The following CLMN variants were observed in gnomAD, a reference collection of about 807,000 sequenced individuals.
The protein encoded by CLMN is calmin.
A neutral mutation model predicts 92.7 loss-of-function variants in CLMN; 57 were observed. The observed-to-expected ratio is 0.61, with a 90% CI of 0.50 to 0.77. The LOEUF is 0.77. Ranked by LOEUF, CLMN falls within the 30% of genes least tolerant of loss-of-function variation. CLMN has a pLI of 0.00. For synonymous variants in CLMN, 466 were observed against 470.6 expected (o/e 0.99, Z 0.13); for missense variants, 1,158 against 1,237.5 (o/e 0.94, Z 0.96).
chr14:95,207,941 T>C (rs1425309421), intron 8 of CLMN, among the ~76,000 whole-genome samples: 1 of 152,212 alleles, frequency 6.6e-6, no homozygotes, highest in Admixed American at 6.5e-5. Context: ...ACCCCAGCTC[T>C]GTGCTTCATA....
At chr14:95,315,353 C>T (rs970721677) in intron 1 of CLMN, among the ~76,000 whole-genome samples, 21 of 152,216 alleles carry the variant, frequency 1.4e-4, no homozygotes, top group African/African-American at 5.1e-4. Flanking sequence ...CAGGCCCCCA[C>T]TCTGCTGCCC....
At chr14:95,208,560 G>A (rs184089819) in intron 8 of CLMN, among the ~76,000 whole-genome samples, 166 of 152,316 alleles carry the variant, frequency 1.1e-3, no homozygotes, top group African/African-American at 3.5e-3. Context: ...AAATCAAGAA[G>A]CAGATCCGTT....
intron 7 of CLMN, among the ~76,000 whole-genome samples, chr14:95,209,788 G>A (rs1360055632): frequency 1.3e-5 from 2 of 152,220 alleles, no homozygotes. Context: ...GGCAAGGACG[G>A]TGAACCAGGC....
intron 1 of CLMN, among the ~76,000 whole-genome samples, chr14:95,264,214 A>C (rs888697870): frequency 5.3e-5 from 8 of 151,806 alleles, no homozygotes; most frequent in Non-Finnish European, 2.9e-5. Flanking sequence ...TAATTTTTGT[A>C]ATTTTTGTAC....
intron 1 of CLMN, among the ~76,000 whole-genome samples, chr14:95,246,997 A>C (rs979728670): frequency 3.3e-5 from 5 of 152,168 alleles, no homozygotes; most frequent in African/African-American, 9.7e-5. Context: ...GGACTCCCAG[A>C]GTTGCTGTTC....
At chr14:95,311,325 G>A (rs934983075) in intron 1 of CLMN, among the ~76,000 whole-genome samples, 6 of 152,078 alleles carry the variant, frequency 3.9e-5, no homozygotes, top group East Asian at 1.9e-4. Context: ...TATAAATATC[G>A]CAAAGCCTCC....
intron 1 of CLMN, among the ~76,000 whole-genome samples, chr14:95,276,267 A>G (rs1899922690): frequency 6.6e-6 from 1 of 152,234 alleles, no homozygotes; most frequent in South Asian, 2.1e-4. Flanking sequence ...GGGACTCCTA[A>G]GACCATAGGG....
rs186307199 is a variant in CLMN, at chr14:95,189,866, A to T, written c.*1698T>A. The T allele has an allele frequency of 1.4e-4, 21 of 152,318 alleles. No homozygotes were observed. The highest frequency in any genetic ancestry group is 5.1e-4 in the African/African-American group (21 of 41,574). 9.4% of individuals were successfully genotyped at this position (152,318 alleles called of 1,614,324 possible). A position where few individuals can be genotyped will look rare whatever the true frequency, so the allele number is the denominator to read the frequency against. On this transcript the variant is annotated 3_prime_UTR_variant, in exon 13 of 13. Transcript: ENST00000298912. ...CTGAAATTCTTTCAGGAGGGGAGAC[A>T]GACTATAATCAGACTGGTTTAGAGG...
chr14:95,272,123 A>G (rs1443993506), intron 1 of CLMN, among the ~76,000 whole-genome samples: 1 of 152,252 alleles, frequency 6.6e-6, no homozygotes, highest in Non-Finnish European at 1.5e-5. Context: ...AAAATGCCAA[A>G]GTGTACAAGA....
chr14:95,218,810 A>C (rs1382509985), intron 4 of CLMN, among the ~76,000 whole-genome samples: 1 of 152,228 alleles, frequency 6.6e-6, no homozygotes, highest in African/African-American at 2.4e-5. Flanking sequence ...TTGAAAAAAT[A>C]GAGGGGATGG....
chr14:95,275,022 T>G (rs1241373253), intron 1 of CLMN, among the ~76,000 whole-genome samples: 1 of 151,304 alleles, frequency 6.6e-6, no homozygotes, highest in Non-Finnish European at 1.5e-5. Flanking sequence ...CAACAAATAT[T>G]TACTGACCCT....
intron 1 of CLMN, among the ~76,000 whole-genome samples, chr14:95,279,342 T>C (rs1900054566): frequency 6.6e-6 from 1 of 152,228 alleles, no homozygotes; most frequent in Admixed American, 6.5e-5. Context: ...GACTTGATAA[T>C]TGCTCAGCTT....
chr14:95,185,110 A>G lies in CLMN; in HGVS notation c.*6454T>C, dbSNP rs998984138. The G allele has an allele frequency of 2.6e-5, 4 of 152,176 alleles. No homozygotes were observed. Among genetic ancestry groups the G allele is most frequent in the Admixed American group, 1.3e-4 (2 of 15,274 alleles). The allele number at this position is 152,176 out of a possible 1,614,324, so 9.4% of individuals were successfully genotyped here. ...GACAGAGTAAGATGCTGTCTCTTAA[A>G]AAAAAAATCAGAGTGAAGAGGGCAG... On this transcript the variant is annotated 3_prime_UTR_variant, in exon 13 of 13. Transcript: ENST00000298912.
At position 95,202,830 on chromosome 14, in the gene CLMN, T is replaced by C. The variant is rs1251035617; in HGVS notation, c.2511+8A>G. 6.6e-7 allele frequency: 1 copy of C among 1,518,498 alleles called. No individual in the cohort carries two copies. Among genetic ancestry groups the C allele is most frequent in the Non-Finnish European group, 8.8e-7 (1 of 1,134,976 alleles). The allele number at this position is 1,518,498 out of a possible 1,614,324, so 94.1% of individuals were successfully genotyped here. A position where few individuals can be genotyped will look rare whatever the true frequency, so the allele number is the denominator to read the frequency against. ...GACCCAGGGTTCCCAAATCCCACGGTTGAGTACCTGATGGCTGTCCATGGG... is the reference window on the plus strand; with the variant it reads ...GACCCAGGGTTCCCAAATCCCACGGCTGAGTACCTGATGGCTGTCCATGGG... On this transcript the variant is annotated splice_region_variant and intron_variant, in intron 9 of 12. Transcript: ENST00000298912.
intron 1 of CLMN, among the ~76,000 whole-genome samples, chr14:95,274,635 G>A (rs952637536): frequency 4.6e-5 from 7 of 152,202 alleles, no homozygotes; most frequent in African/African-American, 1.2e-4. Flanking sequence ...GCTCCTTGAA[G>A]GGAAGACCCT....
At chr14:95,276,774 C>T (rs1414879195) in intron 1 of CLMN, among the ~76,000 whole-genome samples, 32 of 152,080 alleles carry the variant, frequency 2.1e-4, no homozygotes, top group Admixed American at 2.0e-3. Flanking sequence ...TTGAGCCTTG[C>T]CAGGTGGATA....
At chr14:95,246,562 G>A (rs1037115026) in intron 1 of CLMN, among the ~76,000 whole-genome samples, 9 of 152,316 alleles carry the variant, frequency 5.9e-5, no homozygotes, top group African/African-American at 1.7e-4. Flanking sequence ...TCCACCTCCC[G>A]GGTTCATGCC....
intron 1 of CLMN, among the ~76,000 whole-genome samples, chr14:95,248,076 G>T (rs1432904841): frequency 1.3e-5 from 2 of 150,526 alleles, no homozygotes; most frequent in African/African-American, 4.9e-5. Flanking sequence ...ATTAAAAGCA[G>T]CTCAACTAAT....
intron 1 of CLMN, among the ~76,000 whole-genome samples, chr14:95,304,673 A>G (rs1272939421): frequency 6.6e-6 from 1 of 152,076 alleles, no homozygotes. Flanking sequence ...AATTGTACTG[A>G]TTGTACAGAT....
Sources: allele counts gnomAD v4.1 joint callset (sites outside exome capture counted in the v4.1 genomes callset), GRCh38; gene constraint gnomAD v4.1.1; transcripts MANE v1.5; gene names NCBI Gene and HGNC (gene_info 2026-07-23, HGNC 2026-07-21).